Variants in RUNX1 observed in about 807,000 individuals in gnomAD.
RUNX1 encodes the protein RUNX family transcription factor 1.
A neutral mutation model predicts 42.8 loss-of-function variants in RUNX1; 19 were observed. That is an observed-to-expected ratio of 0.44 (90% CI 0.31 to 0.65). RUNX1 has a LOEUF of 0.65. RUNX1 is among the 30% of genes least tolerant of loss of function. The pLI is 0.07. For missense variants in RUNX1, 528 were observed against 672.0 expected (o/e 0.79, Z 2.37); for synonymous variants, 271 against 289.4 (o/e 0.94, Z 0.64).
At chr21:34,889,066 GA>G (rs2058042005) in intron 3 of RUNX1, among the ~76,000 whole-genome samples, 1 of 151,292 alleles carries the variant, frequency 6.6e-6, no homozygotes, top group Non-Finnish European at 1.5e-5. Flanking sequence ...GCCCGAGGAG[GA>G]CCCGGCCGGC....
intron 3 of RUNX1, chr21:34,888,254 T>C: frequency 1.9e-6 from 2 of 1,067,168 alleles, no homozygotes; most frequent in Non-Finnish European, 2.3e-6. Context: ...CCGCAGCAGG[T>C]GGAGCGGGCC....
chr21:34,837,018 A>G (rs1456736907), intron 6 of RUNX1, among the ~76,000 whole-genome samples: 1 of 152,174 alleles, frequency 6.6e-6, no homozygotes, highest in East Asian at 1.9e-4. Flanking sequence ...TTTTATTTTA[A>G]TTAGTCCCCC....
intron 2 of RUNX1, among the ~76,000 whole-genome samples, chr21:34,971,013 G>C (rs2058760146): frequency 6.6e-6 from 1 of 152,122 alleles, no homozygotes; most frequent in Non-Finnish European, 1.5e-5. Flanking sequence ...AACTTATAAG[G>C]TTATGTTGGT....
At position 34,789,661 on chromosome 21, in the gene RUNX1, A is replaced by G. The variant is rs56202419; in HGVS notation, c.*2474T>C. ...TGAGACCTATCGCCAAAACAACTAC[A>G]GTTTGATTTTTTTTGAAACAATTAA... On this transcript the variant is annotated 3_prime_UTR_variant, in exon 9 of 9. Coordinates refer to ENST00000675419, the MANE Select transcript of RUNX1 (RefSeq NM_001754.5). 8,480 of 233,250 alleles carry G rather than the reference A, an allele frequency of 0.036. 366 individuals carry two copies. Among genetic ancestry groups the G allele is most frequent in the African/African-American group, 0.12 (5,525 of 45,366 alleles). 14.4% of individuals were successfully genotyped at this position (233,250 alleles called of 1,614,324 possible). A position where few individuals can be genotyped will look rare whatever the true frequency, so the allele number is the denominator to read the frequency against.
chr21:34,796,234 T>G (rs746549991), intron 8 of RUNX1, among the ~76,000 whole-genome samples: 2 of 152,258 alleles, frequency 1.3e-5, no homozygotes, highest in Non-Finnish European at 2.9e-5. Flanking sequence ...TTCTTCTATG[T>G]ACACATGAGC....
rs576524138 is a variant in RUNX1 at position 34,874,682 on chromosome 21, A to T, written c.508+5875T>A. Among the ~76,000 whole-genome samples, 71 of 151,456 alleles carry T rather than the reference A, an allele frequency of 4.7e-4. 1 individual carries two copies. The South Asian group carries it at 6.7e-3, about 14-fold the overall frequency. On this transcript the variant is annotated intron_variant, in intron 5 of 8. Transcript: ENST00000675419. Reference sequence around the variant, plus strand: ...GTCAACAAGTAATTTTTCCTTAAAAAAAAAACAACAAAAAAACCAGAAACA... The same window carrying T: ...GTCAACAAGTAATTTTTCCTTAAAATAAAAACAACAAAAAAACCAGAAACA...
intron 7 of RUNX1, among the ~76,000 whole-genome samples, chr21:34,828,094 G>A (rs1041289111): frequency 1.7e-4 from 26 of 152,246 alleles, no homozygotes; most frequent in African/African-American, 6.0e-4. Context: ...AGACTTCAAC[G>A]TGAGAGAGGT....
intron 7 of RUNX1, among the ~76,000 whole-genome samples, chr21:34,817,427 C>T (rs2056842295): frequency 6.6e-6 from 1 of 152,166 alleles, no homozygotes; most frequent in South Asian, 2.1e-4. Flanking sequence ...TGGATTTTCC[C>T]TGTTGTGTCG....
intron 2 of RUNX1, among the ~76,000 whole-genome samples, chr21:34,927,301 C>A (rs1371255752): frequency 6.6e-6 from 1 of 152,150 alleles, no homozygotes; most frequent in African/African-American, 2.4e-5. Flanking sequence ...CCACGTAACA[C>A]AGAATGCACA....
At chr21:34,842,230 G>A (rs919873649) in intron 6 of RUNX1, among the ~76,000 whole-genome samples, 3 of 152,168 alleles carry the variant, frequency 2.0e-5, no homozygotes, top group Non-Finnish European at 2.9e-5. Context: ...GTCCGGGCCT[G>A]ATGGCTCATC....
At chr21:34,912,479 G>T (rs927750481) in intron 2 of RUNX1, among the ~76,000 whole-genome samples, 1 of 152,016 alleles carries the variant, frequency 6.6e-6, no homozygotes, top group African/African-American at 2.4e-5. Context: ...GGTCGAGGAG[G>T]CCTCTGCTTA....
intron 2 of RUNX1, among the ~76,000 whole-genome samples, chr21:34,990,710 G>A (rs1276573896): frequency 6.6e-6 from 1 of 151,736 alleles, no homozygotes; most frequent in African/African-American, 2.4e-5. Context: ...TCCTGCCTCA[G>A]CCTCCCGAGT....
At chr21:34,960,815 G>C (rs1370486548) in intron 2 of RUNX1, among the ~76,000 whole-genome samples, 1 of 152,174 alleles carries the variant, frequency 6.6e-6, no homozygotes, top group Non-Finnish European at 1.5e-5. Flanking sequence ...AGGGAGAAGG[G>C]AAAGCTGCCT....
In RUNX1 at chr21:34,892,962, T is replaced by A. The variant is rs1383571065; in HGVS notation, c.60A>T (p.Glu20Asp). The change falls in exon 3 of 9, where the codon GAA (glutamate) becomes GAT (aspartate). Residue 20 changes from glutamate to aspartate, a missense_variant and splice_region_variant. Transcript: ENST00000675419. ...FPSYPQCFMR[E>D]CILGMNPSRD... is the part of the protein sequence containing the mutation. The stretch of plus-strand genomic sequence containing the variant: ...TAGAAGGATTCATTCCAAGTATGCA[T>A]TCTGAAATAACAGAAAGTAGGAAAA... 1.3e-6 allele frequency: 2 copies of A among 1,573,184 alleles called. No homozygotes were observed. Among genetic ancestry groups the A allele is most frequent in the South Asian group, 2.2e-5 (2 of 89,612 alleles).
In RUNX1 at chr21:34,950,208, T is replaced by C. The variant is rs532513919; in HGVS notation, c.59-57245A>G. Among the ~76,000 whole-genome samples, 3 of 152,336 alleles carry C rather than the reference T, an allele frequency of 2.0e-5. No individual in the cohort carries two copies. In the South Asian group the frequency reaches 6.2e-4, roughly 32 times the overall value. Reference sequence around the variant, plus strand: ...CTACAGTGTTATAGGTATAGCTACATTGTTACACAGCTACATTGTTTAACA... The same window carrying C: ...CTACAGTGTTATAGGTATAGCTACACTGTTACACAGCTACATTGTTTAACA... On this transcript the variant is annotated intron_variant, in intron 2 of 8. Coordinates refer to ENST00000675419, the MANE Select transcript of RUNX1 (RefSeq NM_001754.5).
intron 2 of RUNX1, among the ~76,000 whole-genome samples, chr21:34,921,508 C>A (rs1452689933): frequency 6.6e-6 from 1 of 152,212 alleles, no homozygotes; most frequent in African/African-American, 2.4e-5. Flanking sequence ...GTACAAACCA[C>A]ATTTTGTTTG....
intron 3 of RUNX1, 41 bp downstream of exon 3, chr21:34,892,884 T>C (rs1339705079): frequency 8.7e-7 from 1 of 1,154,624 alleles, no homozygotes; most frequent in East Asian, 2.3e-5. Context: ...TCTATGAAGG[T>C]GTGTACTTTA....
chr21:34,977,958 G>GTCGCT (rs922392738), intron 2 of RUNX1, among the ~76,000 whole-genome samples: 3 of 149,022 alleles, frequency 2.0e-5, no homozygotes, highest in African/African-American at 7.4e-5. Flanking sequence ...GTCTCTCTCT[G>GTCGCT]TCGCCCAGGC....
intron 2 of RUNX1, among the ~76,000 whole-genome samples, chr21:34,940,861 A>T (rs1314351394): frequency 6.6e-6 from 1 of 152,218 alleles, no homozygotes; most frequent in Non-Finnish European, 1.5e-5. Flanking sequence ...TGGCTTTTTC[A>T]AAAATATATT....
Sources: allele counts gnomAD v4.1 joint callset (sites outside exome capture counted in the v4.1 genomes callset), GRCh38; gene constraint gnomAD v4.1.1; transcripts MANE v1.5; gene names NCBI Gene and HGNC (gene_info 2026-07-23, HGNC 2026-07-21).